Variants in TBX5 observed in about 807,000 individuals in gnomAD.
The protein encoded by TBX5 is T-box transcription factor 5, also known as T-box transcription factor TBX5.
In TBX5, 8 loss-of-function variants were observed where a neutral mutation model predicts 51.1. That is an observed-to-expected ratio of 0.16 (90% CI 0.09 to 0.28). TBX5 has a LOEUF of 0.28. Among genes scored for constraint, TBX5 ranks in the 10% least tolerant of loss-of-function variants. The pLI is 1.00. For missense variants in TBX5, 589 were observed against 671.7 expected (o/e 0.88, Z 1.36); for synonymous variants, 302 against 266.4 (o/e 1.13, Z -1.30).
At chr12:114,370,918 C>T (rs79564291) in intron 7 of TBX5, among the ~76,000 whole-genome samples, 3,055 of 152,150 alleles carry the variant, frequency 0.02, 95 homozygotes, top group African/African-American at 0.069. Flanking sequence ...ATATAGCCTT[C>T]TATCCCTCAT....
intron 4 of TBX5, among the ~76,000 whole-genome samples, chr12:114,399,050 T>C (rs1452903170): frequency 2.6e-5 from 4 of 152,328 alleles, no homozygotes; most frequent in South Asian, 2.1e-4. Flanking sequence ...GTCAGGCCCC[T>C]GCACTGCTGG....
upstream of TBX5, chr12:114,407,171 A>G (rs933437188): frequency 4.3e-6 from 4 of 940,326 alleles, no homozygotes; most frequent in African/African-American, 7.1e-5. Flanking sequence ...GCAAAATGCC[A>G]AAGTGGAGAA....
chr12:114,396,232 G>A (rs1871418325), intron 5 of TBX5, among the ~76,000 whole-genome samples: 1 of 151,808 alleles, frequency 6.6e-6, no homozygotes, highest in African/African-American at 2.4e-5. Context: ...TCCGGCCGCC[G>A]TGGCCCGGCC....
intron 6 of TBX5, among the ~76,000 whole-genome samples, chr12:114,385,961 C>T (rs1346129000): frequency 3.3e-5 from 5 of 151,946 alleles, no homozygotes; most frequent in African/African-American, 4.8e-5. Context: ...CATCAGGCAG[C>T]GTAGTCATCT....
intron 7 of TBX5, 112 bp downstream of exon 7, chr12:114,385,364 G>C (rs1055268736): frequency 4.8e-4 from 422 of 885,064 alleles, no homozygotes; most frequent in Middle Eastern, 2.2e-4. Context: ...CATGTGCCTG[G>C]CATTCTACGG....
intron 7 of TBX5, among the ~76,000 whole-genome samples, chr12:114,372,975 T>TACACAC (rs895464817): frequency 8.9e-6 from 1 of 112,008 alleles, no homozygotes; most frequent in African/African-American, 3.5e-5. Context: ...AGCGAATATA[T>TACACAC]ATACATACAC....
intron 6 of TBX5, among the ~76,000 whole-genome samples, chr12:114,392,864 T>G (rs1422199266): frequency 6.6e-6 from 1 of 152,156 alleles, no homozygotes; most frequent in Non-Finnish European, 1.5e-5. Flanking sequence ...TCGGTTTTGC[T>G]CTTGCTGGTT....
At chr12:114,399,755 C>T (rs1871681734) in intron 3 of TBX5, 123 bp from the exon 4 acceptor site, 3 of 1,471,636 alleles carry the variant, frequency 2.0e-6, no homozygotes, top group Non-Finnish European at 2.8e-6. Flanking sequence ...AAACTAGCCC[C>T]GTTCCGCTCT....
chr12:114,396,231 C>A (rs1028889095), intron 5 of TBX5, among the ~76,000 whole-genome samples: 3 of 151,336 alleles, frequency 2.0e-5, no homozygotes, highest in African/African-American at 2.4e-5. Context: ...CTCCGGCCGC[C>A]GTGGCCCGGC....
chr12:114,374,898 G>A (rs1870108366), intron 7 of TBX5, among the ~76,000 whole-genome samples: 1 of 152,204 alleles, frequency 6.6e-6, no homozygotes. Context: ...GAGAGGGACG[G>A]AAGGATGGCT....
At chr12:114,364,971 C>T (rs1291984364) in intron 8 of TBX5, among the ~76,000 whole-genome samples, 2 of 152,096 alleles carry the variant, frequency 1.3e-5, no homozygotes, top group East Asian at 1.9e-4. Context: ...AACTCCACCA[C>T]ACCACCTGTG....
chr12:114,366,028 C>G (rs1869508981), intron 8 of TBX5, 137 bp downstream of exon 8: 1 of 1,021,102 alleles, frequency 9.8e-7, no homozygotes, highest in Non-Finnish European at 1.5e-6. Context: ...AATTTCTTAT[C>G]TCCATATATT....
In TBX5 at chr12:114,398,684, G is replaced by A. The variant is rs1456744500; in HGVS notation, c.399C>T (p.Gly133=). The change falls in exon 5 of 9, where the codon GGC becomes GGT. Residue 133 remains glycine (G), a synonymous_variant. Coordinates refer to ENST00000405440, the MANE Select transcript of TBX5 (RefSeq NM_181486.4). ...VTGKAEPAMP[G]RLYVHPDSPA... is the part of the protein sequence containing the mutation. ...GGGAGTCTGGGTGCACGTACAGGCGGCCAGGCATGGCGGGCTCAGCTTTGC... is the reference window on the plus strand; with the variant it reads ...GGGAGTCTGGGTGCACGTACAGGCGACCAGGCATGGCGGGCTCAGCTTTGC... 33 of 1,611,986 alleles carry A rather than the reference G, an allele frequency of 2.0e-5. No individual in the cohort carries two copies. The highest frequency in any genetic ancestry group is 1.7e-4 in the Middle Eastern group (1 of 6,058).
intron 5 of TBX5, among the ~76,000 whole-genome samples, chr12:114,397,107 G>A (rs945898641): frequency 6.6e-6 from 1 of 152,126 alleles, no homozygotes; most frequent in African/African-American, 2.4e-5. Context: ...GGCCTCAAAG[G>A]AGCAGATTTC....
chr12:114,389,250 T>G (rs1156638953), intron 6 of TBX5, among the ~76,000 whole-genome samples: 1 of 152,112 alleles, frequency 6.6e-6, no homozygotes, highest in Non-Finnish European at 1.5e-5. Context: ...TTGACTCTTC[T>G]GAATGAGTAG....
At chr12:114,370,267 AGAAAAGAAAAGAAAAGAAAAGAAAG>A (rs200985084) in intron 7 of TBX5, among the ~76,000 whole-genome samples, 39,345 of 140,998 alleles carry the variant, frequency 0.28, 6,750 homozygotes, top group East Asian at 0.44. Flanking sequence ...AGAAAAGAAA[AGAAAAGAAAAGAAAAGAAAAGAAAG>A]AAAAGAAAAG....
At chr12:114,384,862 T>C (rs1593865794) in intron 7 of TBX5, among the ~76,000 whole-genome samples, 1 of 152,152 alleles carries the variant, frequency 6.6e-6, no homozygotes, top group African/African-American at 2.4e-5. Context: ...TCCACAAAAT[T>C]GGCAATGCTT....
chr12:114,408,372 G>C, upstream of TBX5: 1 of 232,068 alleles, frequency 4.3e-6, no homozygotes, highest in Non-Finnish European at 7.1e-6. Context: ...GGAGGTGGGA[G>C]TCCACCTCAG....
rs145944567 is a variant in TBX5, at chr12:114,405,788, G to A, written c.-199C>T. ...TGCTGCCTACTAGGGCGCACCTACC[G>A]CTGGAGCCTCCGCGGCGACTGCCCA... On this transcript the variant is annotated 5_prime_UTR_variant, in exon 1 of 9. Transcript: ENST00000405440. The A allele has an allele frequency of 4.3e-4, 419 of 985,520 alleles. No homozygotes were observed. The African/African-American group carries it at 6.8e-3, about 16-fold the overall frequency. 61.0% of individuals were successfully genotyped at this position (985,520 alleles called of 1,614,324 possible).
Sources: allele counts gnomAD v4.1 joint callset (sites outside exome capture counted in the v4.1 genomes callset), GRCh38; gene constraint gnomAD v4.1.1; transcripts MANE v1.5; gene names NCBI Gene and HGNC (gene_info 2026-07-23, HGNC 2026-07-21).